GPC6: variants seen among roughly 807,000 people sequenced by gnomAD.
The protein encoded by GPC6 is glypican-6.
Under a neutral mutation model 55.2 loss-of-function variants are expected in GPC6, and 14 were observed. The ratio of observed to expected loss-of-function variants is 0.25; its 90% CI spans 0.17 to 0.40. GPC6 has a LOEUF of 0.40. GPC6 is among the 10% of genes least tolerant of loss of function. The pLI is 1.00. For missense variants in GPC6, 641 were observed against 708.5 expected (o/e 0.90, Z 1.08); for synonymous variants, 278 against 259.6 (o/e 1.07, Z -0.68).
chr13:93,839,341 A>G (rs1271648816), intron 3 of GPC6, among the ~76,000 whole-genome samples: 1 of 152,118 alleles, frequency 6.6e-6, no homozygotes, highest in South Asian at 2.1e-4. Flanking sequence ...AAATCTTTAC[A>G]TCAATTTCAC....
intron 2 of GPC6, among the ~76,000 whole-genome samples, chr13:93,562,094 A>T (rs1594269236): frequency 2.6e-5 from 4 of 152,096 alleles, no homozygotes; most frequent in Admixed American, 2.6e-4. Flanking sequence ...GCTGAAAGTT[A>T]ATTTGCTGAA....
At chr13:93,881,419 A>C (rs1874967135) in intron 3 of GPC6, among the ~76,000 whole-genome samples, 2 of 152,138 alleles carry the variant, frequency 1.3e-5, no homozygotes, top group Admixed American at 6.6e-5. Flanking sequence ...ACAAACACCT[A>C]AATTATATTG....
chr13:93,973,739 G>A (rs1274426048), intron 3 of GPC6, among the ~76,000 whole-genome samples: 2 of 152,052 alleles, frequency 1.3e-5, no homozygotes, highest in Non-Finnish European at 2.9e-5. Context: ...TCTTAACTGA[G>A]AACATAAAAG....
chr13:93,863,631 C>T (rs1252979726), intron 3 of GPC6, among the ~76,000 whole-genome samples: 1 of 151,576 alleles, frequency 6.6e-6, no homozygotes, highest in Non-Finnish European at 1.5e-5. Flanking sequence ...CATCACTGGA[C>T]CTTCATAAAT....
chr13:93,791,506 T>C (rs530244633), intron 2 of GPC6, among the ~76,000 whole-genome samples: 1 of 152,348 alleles, frequency 6.6e-6, no homozygotes, highest in East Asian at 1.9e-4. Context: ...ACAAGGTTTA[T>C]CACCAATCTT....
At chr13:93,869,922 C>T (rs1889078606) in intron 3 of GPC6, among the ~76,000 whole-genome samples, 4 of 151,774 alleles carry the variant, frequency 2.6e-5, no homozygotes, top group Admixed American at 2.6e-4. Context: ...AAAAGAGGAC[C>T]ACTGCAATGG....
intron 4 of GPC6, among the ~76,000 whole-genome samples, chr13:94,040,982 G>T (rs1319824533): frequency 6.6e-6 from 1 of 151,750 alleles, no homozygotes; most frequent in African/African-American, 2.4e-5. Flanking sequence ...CCTCACAATT[G>T]AAAAACATTA....
At chr13:93,292,383 T>C (rs1298708552) in intron 1 of GPC6, among the ~76,000 whole-genome samples, 4 of 152,168 alleles carry the variant, frequency 2.6e-5, no homozygotes, top group Non-Finnish European at 4.4e-5. Flanking sequence ...TGCTTTCTTT[T>C]GAGAATTGAG....
At chr13:93,595,312 G>A (rs1877676027) in intron 2 of GPC6, among the ~76,000 whole-genome samples, 1 of 152,180 alleles carries the variant, frequency 6.6e-6, no homozygotes, top group African/African-American at 2.4e-5. Flanking sequence ...CCAATCCTAT[G>A]TGGTGAATTG....
At chr13:94,176,425 A>G (rs7329986) in intron 4 of GPC6, among the ~76,000 whole-genome samples, 117,331 of 151,944 alleles carry the variant, frequency 0.77, 46,812 homozygotes, top group Middle Eastern at 0.88. Context: ...ACTCATAGAC[A>G]TAGCAGAACC....
At chr13:94,296,373 A>T (rs1875335546) in intron 5 of GPC6, among the ~76,000 whole-genome samples, 1 of 152,258 alleles carries the variant, frequency 6.6e-6, no homozygotes, top group African/African-American at 2.4e-5. Flanking sequence ...TGATTGAAAC[A>T]CAATTCAGCT....
chr13:93,309,530 T>C (rs1007914834), intron 1 of GPC6, among the ~76,000 whole-genome samples: 1 of 152,186 alleles, frequency 6.6e-6, no homozygotes, highest in Non-Finnish European at 1.5e-5. Context: ...TTTAGTTTAA[T>C]AGCATGACAT....
intron 1 of GPC6, among the ~76,000 whole-genome samples, chr13:93,267,791 T>C (rs1303872438): frequency 1.3e-5 from 2 of 152,212 alleles, no homozygotes; most frequent in South Asian, 2.1e-4. Flanking sequence ...TTAGATCATA[T>C]ACCTACATTT....
intron 3 of GPC6, among the ~76,000 whole-genome samples, chr13:93,977,414 G>A (rs1272469408): frequency 1.3e-5 from 2 of 151,568 alleles, no homozygotes; most frequent in African/African-American, 4.9e-5. Context: ...TCAGAAGTGT[G>A]TGCTGTTATT....
chr13:93,819,439 A>G (rs1336582626), intron 2 of GPC6, among the ~76,000 whole-genome samples: 5 of 152,210 alleles, frequency 3.3e-5, no homozygotes, highest in Non-Finnish European at 7.3e-5. Context: ...GTTGAGAAAA[A>G]AAAAGCTGGG....
At chr13:94,082,407 A>G (rs1042959160) in intron 4 of GPC6, among the ~76,000 whole-genome samples, 3 of 150,868 alleles carry the variant, frequency 2.0e-5, no homozygotes, top group Admixed American at 1.3e-4. Flanking sequence ...ATTTCTTTCC[A>G]CTCTCCCAAA....
chr13:94,133,267 C>CAAAAAAAAA (rs66499161), intron 4 of GPC6, among the ~76,000 whole-genome samples: 4 of 85,090 alleles, frequency 4.7e-5, no homozygotes, highest in African/African-American at 1.5e-4. Flanking sequence ...TGACCAGTGA[C>CAAAAAAAAA]AAAAAAAAAA....
chr13:93,851,490 A>G lies in GPC6; in HGVS notation c.711+20945A>G, dbSNP rs9556333. On this transcript the variant is annotated intron_variant, in intron 3 of 8. Coordinates refer to ENST00000377047, the MANE Select transcript of GPC6 (RefSeq NM_005708.5). ...GAATATAGGCTGAAAAGTGATCACAAATGAAGTCAGCTAGGAGTGTTCAGG... is the reference window on the plus strand; with the variant it reads ...GAATATAGGCTGAAAAGTGATCACAGATGAAGTCAGCTAGGAGTGTTCAGG... Among the ~76,000 whole-genome samples, 251 of 151,956 alleles carry G rather than the reference A, an allele frequency of 1.7e-3. 5 individuals are homozygous for G. In the East Asian group the frequency reaches 0.048, roughly 29 times the overall value.
At position 93,351,544 on chromosome 13, in the gene GPC6, A is replaced by T. The variant is rs373140647; in HGVS notation, c.160+123928A>T. ...AGCCATTTTAGGATAACTATAGTTA[A>T]TAAAAGCACATTACATAGATTCAAA... On this transcript the variant is annotated intron_variant, in intron 1 of 8. Transcript: ENST00000377047. 1.1e-4 allele frequency among the ~76,000 whole-genome samples: 17 copies of T among 152,248 alleles called. No individual in the cohort carries two copies. In the East Asian group the frequency reaches 1.2e-3, roughly 10 times the overall value.
Sources: gnomAD v4.1 joint callset for allele counts (sites outside exome capture counted in the v4.1 genomes callset) on GRCh38, gnomAD v4.1.1 for gene constraint, MANE v1.5 for transcripts, NCBI Gene and HGNC (gene_info 2026-07-23, HGNC 2026-07-21) for gene names.